The following TENT2 variants were observed in gnomAD, a reference collection of about 807,000 sequenced individuals.
TENT2 encodes the protein terminal nucleotidyltransferase 2, also known as poly(A) RNA polymerase GLD2.
TENT2 carries 44 observed loss-of-function variants against 72.2 expected under a neutral mutation model. The ratio of observed to expected loss-of-function variants is 0.61; its 90% CI spans 0.48 to 0.78. The LOEUF is 0.78. Among genes scored for constraint, TENT2 ranks in the 30% least tolerant of loss-of-function variants. TENT2 has a pLI of 0.00. For missense variants in TENT2, 541 were observed against 569.6 expected, an observed-to-expected ratio of 0.95 and a Z score of 0.51; for synonymous variants, 212 against 192.5, an observed-to-expected ratio of 1.10 and a Z score of -0.84.
At chr5:79,627,229 T>C (rs1212501677) in intron 4 of TENT2, among the ~76,000 whole-genome samples, 1 of 152,162 alleles carries the variant, frequency 6.6e-6, no homozygotes, top group Non-Finnish European at 1.5e-5. Context: ...AAGCTCTCTA[T>C]TTTTACTTGT....
Position 79,668,877 on chromosome 5 carries a change from T to C in TENT2, c.1072-15T>C, listed in dbSNP as rs1580600374. 6.3e-7 allele frequency: 1 copy of C among 1,597,432 alleles called. No homozygotes were observed. Among genetic ancestry groups the C allele is most frequent in the African/African-American group, 1.3e-5 (1 of 74,188 alleles). On this transcript the variant is annotated splice_polypyrimidine_tract_variant and intron_variant, in intron 11 of 14. Coordinates refer to ENST00000453514, the MANE Select transcript of TENT2 (RefSeq NM_001114394.3). ...TAAATGGCTTTACATTTTTTCCCCT[T>C]CTTCTTTTTGACAGGAGTCTTTTAG...
At chr5:79,630,116 C>G (rs1774070469) in intron 4 of TENT2, among the ~76,000 whole-genome samples, 1 of 152,090 alleles carries the variant, frequency 6.6e-6, no homozygotes, top group South Asian at 2.1e-4. Context: ...GCCTGGGTGA[C>G]AGAGCAGGAC....
intron 1 of TENT2, chr5:79,617,430 A>C (rs1184086683): frequency 6.6e-6 from 1 of 152,064 alleles, no homozygotes; most frequent in African/African-American, 2.4e-5. Flanking sequence ...TTAACTAGCT[A>C]CTTTTCTGTA....
chr5:79,681,150 ATTTTTTTTTTTT>A (rs1158559796), intron 13 of TENT2, among the ~76,000 whole-genome samples: 210 of 44,772 alleles, frequency 4.7e-3, no homozygotes, highest in African/African-American at 0.017. Flanking sequence ...CTTTTCTTTG[ATTTTTTTTTTTT>A]TTTTTTTTTT....
At chr5:79,659,595 A>ATAT (rs1561547891) in intron 11 of TENT2, among the ~76,000 whole-genome samples, 1 of 79,180 alleles carries the variant, frequency 1.3e-5, no homozygotes, top group Non-Finnish European at 2.8e-5. Flanking sequence ...TATATATATA[A>ATAT]TAGCCATCGT....
At chr5:79,623,707 G>T in intron 4 of TENT2, 1 of 354,844 alleles carries the variant, frequency 2.8e-6, no homozygotes, top group Non-Finnish European at 5.0e-6. Context: ...GATTTTCCCT[G>T]ATATATGAAA....
chr5:79,677,636 C>G (rs982150602), intron 12 of TENT2, among the ~76,000 whole-genome samples: 1 of 152,134 alleles, frequency 6.6e-6, no homozygotes, highest in African/African-American at 2.4e-5. Flanking sequence ...AGGGAAAATT[C>G]ATTTTGTTAA....
intron 11 of TENT2, among the ~76,000 whole-genome samples, chr5:79,658,988 G>T (rs976967973): frequency 3.3e-5 from 5 of 152,006 alleles, no homozygotes; most frequent in Non-Finnish European, 7.4e-5. Context: ...TAGCCCCAAG[G>T]CCTTAAAAAA....
At chr5:79,676,999 G>A (rs1043122441) in intron 12 of TENT2, among the ~76,000 whole-genome samples, 1 of 152,180 alleles carries the variant, frequency 6.6e-6, no homozygotes, top group Non-Finnish European at 1.5e-5. Context: ...AGGAGATTGA[G>A]GCTGCAGTGA....
At chr5:79,638,363 T>C (rs1257394511) in intron 4 of TENT2, among the ~76,000 whole-genome samples, 1 of 152,184 alleles carries the variant, frequency 6.6e-6, no homozygotes, top group Admixed American at 6.5e-5. Context: ...ATATGTCCAC[T>C]GAGAGTCAGA....
chr5:79,624,974 G>A (rs1160701490), intron 4 of TENT2, among the ~76,000 whole-genome samples: 1 of 152,182 alleles, frequency 6.6e-6, no homozygotes, highest in Non-Finnish European at 1.5e-5. Flanking sequence ...CTGCTGAAGT[G>A]TTTTCTAAAG....
intron 4 of TENT2, among the ~76,000 whole-genome samples, chr5:79,639,338 C>T (rs866222589): frequency 7.2e-5 from 11 of 152,010 alleles, no homozygotes; most frequent in Admixed American, 2.6e-4. Flanking sequence ...TGATATCTAA[C>T]CAAAGACTTG....
At chr5:79,629,671 CA>C (rs1459407935) in intron 4 of TENT2, among the ~76,000 whole-genome samples, 1 of 150,722 alleles carries the variant, frequency 6.6e-6, no homozygotes, top group African/African-American at 2.4e-5. Context: ...ACTAAAAATA[CA>C]AAAAATTAGC....
At chr5:79,669,433 G>A (rs980648339) in intron 12 of TENT2, among the ~76,000 whole-genome samples, 2 of 152,148 alleles carry the variant, frequency 1.3e-5, no homozygotes, top group African/African-American at 2.4e-5. Flanking sequence ...TGGCATCTTC[G>A]TAAATAGTTG....
chr5:79,679,700 T>C, intron 13 of TENT2, 30 bp downstream of exon 13: 1 of 1,298,180 alleles, frequency 7.7e-7, no homozygotes, highest in South Asian at 1.6e-5. Context: ...CTACGTATCA[T>C]CATGGTACTA....
At chr5:79,666,103 C>T (rs1261274905) in intron 11 of TENT2, among the ~76,000 whole-genome samples, 1 of 151,640 alleles carries the variant, frequency 6.6e-6, no homozygotes, top group Non-Finnish European at 1.5e-5. Context: ...ATTGTCTTGC[C>T]TCAGCCTCCT....
chr5:79,628,399 G>T (rs1377027977), intron 4 of TENT2, among the ~76,000 whole-genome samples: 1 of 152,328 alleles, frequency 6.6e-6, no homozygotes, highest in East Asian at 1.9e-4. Context: ...GGTTTAGAAT[G>T]AAGTGGGCTT....
chr5:79,678,389 T>C (rs912581891), intron 12 of TENT2, among the ~76,000 whole-genome samples: 1 of 152,090 alleles, frequency 6.6e-6, no homozygotes, highest in Non-Finnish European at 1.5e-5. Flanking sequence ...TGATAGTCTT[T>C]CTCTGCTTGC....
rs1826192434 is a variant in TENT2 at position 79,686,834 on chromosome 5, T to C, written c.*1561T>C. On this transcript the variant is annotated 3_prime_UTR_variant, in exon 15 of 15. Coordinates refer to ENST00000453514, the MANE Select transcript of TENT2 (RefSeq NM_001114394.3). ...TTTAGATTCCTGATGTGTAACACTTTTTATGCATTTGAGCTTTTCATATTT... is the reference window on the plus strand; with the variant it reads ...TTTAGATTCCTGATGTGTAACACTTCTTATGCATTTGAGCTTTTCATATTT... Among the ~76,000 whole-genome samples the C allele has an allele frequency of 1.3e-5, 2 of 152,214 alleles. No homozygotes were observed. The highest frequency in any genetic ancestry group is 2.9e-5 in the Non-Finnish European group (2 of 68,020).
Sources: allele counts gnomAD v4.1 joint callset (sites outside exome capture counted in the v4.1 genomes callset), GRCh38; gene constraint gnomAD v4.1.1; transcripts MANE v1.5; gene names NCBI Gene and HGNC (gene_info 2026-07-23, HGNC 2026-07-21).